LUC7L2: variants seen among roughly 807,000 people sequenced by gnomAD.
LUC7L2 encodes the protein LUC7 like 2, pre-mRNA splicing factor.
Under a neutral mutation model 52.8 loss-of-function variants are expected in LUC7L2, and 25 were observed. That is an observed-to-expected ratio of 0.47 (90% CI 0.34 to 0.66). The LOEUF (loss-of-function observed/expected upper bound fraction) is 0.66. LUC7L2 is among the 30% of genes least tolerant of loss of function. LUC7L2 has a pLI of 0.01. For synonymous variants in LUC7L2, 144 were observed against 160.9 expected, an observed-to-expected ratio of 0.89 and a Z score of 0.80; for missense variants, 328 against 497.8, an observed-to-expected ratio of 0.66 and a Z score of 3.25.
chr7:139,386,323 C>T (rs548349014), intron 2 of LUC7L2, among the ~76,000 whole-genome samples: 4 of 151,328 alleles, frequency 2.6e-5, no homozygotes, highest in South Asian at 2.1e-4. Flanking sequence ...TTTATACAGG[C>T]GATTAACCAC....
Position 139,423,365 on chromosome 7 carries a change from C to T in LUC7L2, c.*1025C>T, listed in dbSNP as rs536000978. The T allele has an allele frequency of 1.0e-4, 41 of 398,842 alleles. No homozygotes were observed. Among genetic ancestry groups the T allele is most frequent in the Middle Eastern group, 6.3e-4 (1 of 1,588 alleles). The allele number at this position is 398,842 out of a possible 1,614,324, so 24.7% of individuals were successfully genotyped here. On this transcript the variant is annotated 3_prime_UTR_variant, in exon 10 of 10. Transcript: ENST00000354926. ...CCACTTCAGGGTTGTTTGTAATGAC[C>T]GTTATAGAGAAGGGCTCGACCTGCA...
chr7:139,399,182 C>T (rs1452304525), intron 3 of LUC7L2, among the ~76,000 whole-genome samples: 1 of 151,952 alleles, frequency 6.6e-6, no homozygotes. Flanking sequence ...TTGTTGCATC[C>T]GTACTGAACA....
chr7:139,359,617 C>T, upstream of LUC7L2: 1 of 396,020 alleles, frequency 2.5e-6, no homozygotes, highest in Non-Finnish European at 4.4e-6. Flanking sequence ...GGGTCTGAAT[C>T]GCCATCACCG....
intron 2 of LUC7L2, among the ~76,000 whole-genome samples, chr7:139,396,595 G>T (rs1249187084): frequency 1.3e-5 from 2 of 152,098 alleles, no homozygotes; most frequent in African/African-American, 4.8e-5. Context: ...ATTTATTTCT[G>T]TTCCCTGGCT....
upstream of LUC7L2, among the ~76,000 whole-genome samples, chr7:139,358,250 C>T (rs1471096022): frequency 3.3e-5 from 5 of 152,040 alleles, no homozygotes; most frequent in African/African-American, 1.2e-4. Context: ...CAAGGTGATC[C>T]GCCCGCCTCT....
chr7:139,348,642 C>T (rs559379636), intron 1 of LUC7L2, among the ~76,000 whole-genome samples: 49 of 152,112 alleles, frequency 3.2e-4, no homozygotes, highest in African/African-American at 1.1e-3. Flanking sequence ...TCGCTTGAAC[C>T]CGGGAGGTGG....
At chr7:139,389,051 A>ATTT (rs11480564) in intron 2 of LUC7L2, among the ~76,000 whole-genome samples, 255 of 145,110 alleles carry the variant, frequency 1.8e-3, no homozygotes, top group African/African-American at 5.1e-3. Context: ...TTTTTAAATG[A>ATTT]TTTTTTTTTT....
intron 2 of LUC7L2, among the ~76,000 whole-genome samples, chr7:139,386,041 C>T (rs1192877234): frequency 6.6e-6 from 1 of 152,082 alleles, no homozygotes; most frequent in Admixed American, 6.6e-5. Flanking sequence ...CTTGATGTGT[C>T]TCCCAGGCTG....
chr7:139,358,678 T>G (rs371587930), upstream of LUC7L2, among the ~76,000 whole-genome samples: 1 of 152,218 alleles, frequency 6.6e-6, no homozygotes, highest in African/African-American at 2.4e-5. Flanking sequence ...CACACTGACC[T>G]ATGTCTTACT....
intron 3 of LUC7L2, among the ~76,000 whole-genome samples, chr7:139,399,364 G>A (rs1222424380): frequency 6.7e-6 from 1 of 148,742 alleles, no homozygotes; most frequent in East Asian, 2.0e-4. Context: ...TATTAAACGT[G>A]CATTCATGGA....
chr7:139,376,011 A>G (rs770798132), intron 1 of LUC7L2, 51 bp from the exon 2 acceptor site: 5 of 1,597,136 alleles, frequency 3.1e-6, no homozygotes, highest in Non-Finnish European at 1.7e-6. Context: ...CTCTCAGAAA[A>G]TACTTTCCAG....
At chr7:139,394,310 T>C (rs529647679) in intron 2 of LUC7L2, among the ~76,000 whole-genome samples, 2 of 152,286 alleles carry the variant, frequency 1.3e-5, no homozygotes, top group East Asian at 1.9e-4. Context: ...ATCCTTGCCC[T>C]ATGGAGCTCA....
intron 1 of LUC7L2, among the ~76,000 whole-genome samples, chr7:139,364,307 T>G (rs1189303869): frequency 6.6e-6 from 1 of 152,116 alleles, no homozygotes; most frequent in Non-Finnish European, 1.5e-5. Context: ...TCTGTATCTC[T>G]TAATTGCTTA....
intron 8 of LUC7L2, among the ~76,000 whole-genome samples, chr7:139,413,408 A>G (rs1342851626): frequency 1.3e-5 from 2 of 152,166 alleles, no homozygotes; most frequent in East Asian, 1.9e-4. Flanking sequence ...TCTTTTAGAA[A>G]CTTTCTGAGT....
rs577643594 is a variant in LUC7L2 at position 139,399,067 on chromosome 7, A to G, written c.255+370A>G. Among the ~76,000 whole-genome samples the G allele has an allele frequency of 8.3e-5, 10 of 119,762 alleles. No individual in the cohort carries two copies. The East Asian group carries it at 1.8e-3, about 22-fold the overall frequency. The allele number at this position is 119,762 out of a possible 152,430, so 78.6% of individuals were successfully genotyped here. A position where few individuals can be genotyped will look rare whatever the true frequency, so the allele number is the denominator to read the frequency against. On this transcript the variant is annotated intron_variant, in intron 3 of 9. Coordinates refer to ENST00000354926, the MANE Select transcript of LUC7L2 (RefSeq NM_016019.5). ...TACATTCATATTTATTTTTGAATCT[A>G]CTTATATATATATATACATGTATAT... is the stretch of plus-strand genomic sequence containing the variant.
At chr7:139,370,281 A>G (rs992894851) in intron 1 of LUC7L2, among the ~76,000 whole-genome samples, 1 of 152,204 alleles carries the variant, frequency 6.6e-6, no homozygotes, top group Non-Finnish European at 1.5e-5. Flanking sequence ...GGATTTGTAT[A>G]GGTGGATTTT....
chr7:139,382,383 T>A (rs1801077228), intron 2 of LUC7L2, among the ~76,000 whole-genome samples: 1 of 151,040 alleles, frequency 6.6e-6, no homozygotes, highest in African/African-American at 2.5e-5. Flanking sequence ...TCACAGTCTT[T>A]ATTTATTTAT....
At chr7:139,392,700 G>C (rs1345145981) in intron 2 of LUC7L2, 1 of 194,564 alleles carries the variant, frequency 5.1e-6, no homozygotes, top group African/African-American at 2.4e-5. Flanking sequence ...TTGTTGCCCA[G>C]GCTGGAGTGC....
At position 139,361,908 on chromosome 7, in the gene LUC7L2, T is replaced by C. The variant is rs532786326; in HGVS notation, c.61+1586T>C. On this transcript the variant is annotated intron_variant, in intron 1 of 9. Transcript: ENST00000354926. ...GATGGATACCATTTTTGGGATCTTC[T>C]TCATGGATTGGATTTCTTAGTTTTA... 1.3e-3 allele frequency among the ~76,000 whole-genome samples: 199 copies of C among 152,336 alleles called. 2 individuals are homozygous for C. Among genetic ancestry groups the C allele is most frequent in the Non-Finnish European group, 6.0e-4 (41 of 68,022 alleles).
Sources: allele counts gnomAD v4.1 joint callset (sites outside exome capture counted in the v4.1 genomes callset), GRCh38; gene constraint gnomAD v4.1.1; transcripts MANE v1.5; gene names NCBI Gene and HGNC (gene_info 2026-07-23, HGNC 2026-07-21).